USP33: variants seen among roughly 807,000 people sequenced by gnomAD.
USP33 encodes the protein ubiquitin carboxyl-terminal hydrolase 33.
In USP33, 46 loss-of-function variants were observed where a neutral mutation model predicts 124.2. That is an observed-to-expected ratio of 0.37 (90% confidence interval 0.29 to 0.47). The LOEUF is 0.47. USP33 is among the 20% of genes least tolerant of loss of function. USP33 has a pLI of 0.99. For synonymous variants in USP33, 350 were observed against 352.3 expected, an observed-to-expected ratio of 0.99 and a Z score of 0.07; for missense variants, 851 against 1,070.6, an observed-to-expected ratio of 0.79 and a Z score of 2.86.
In USP33 at chr1:77,750,624, A is replaced by AAAGAAAG. The variant is rs1680215884; in HGVS notation, c.-51-8877_-51-8876insCTTTCTT. Among the ~76,000 whole-genome samples, 15 of 123,290 alleles carry AAAGAAAG rather than the reference A, an allele frequency of 1.2e-4. 1 individual carries two copies. The highest frequency in any genetic ancestry group is 4.4e-4 in the African/African-American group (14 of 31,474). 80.9% of individuals were successfully genotyped at this position (123,290 alleles called of 152,430 possible). On this transcript the variant is annotated intron_variant, in intron 1 of 23. Transcript: ENST00000370794. Reference sequence around the variant, plus strand: ...GCAACACAGCAAGACCCTGACTTAAAAAAGAAAGAAAGAAAGAAAGAAAGA... The same window carrying AAAGAAAG: ...GCAACACAGCAAGACCCTGACTTAAAAAGAAAGAAAGAAAGAAAGAAAGAAAGAAAGA...
At chr1:77,698,665 T>G (rs1673678939) in intron 22 of USP33, among the ~76,000 whole-genome samples, 1 of 151,614 alleles carries the variant, frequency 6.6e-6, no homozygotes, top group East Asian at 2.0e-4. Flanking sequence ...CACGCCCAGC[T>G]AATTTTTTGT....
chr1:77,734,535 T>C (rs1382174988), intron 6 of USP33, 119 bp from the exon 7 acceptor site: 6 of 633,894 alleles, frequency 9.5e-6, no homozygotes, highest in Non-Finnish European at 1.6e-5. Context: ...ATATAGCAAC[T>C]TGAACAATTC....
chr1:77,752,469 T>G (rs1188358840), intron 1 of USP33, among the ~76,000 whole-genome samples: 1 of 152,186 alleles, frequency 6.6e-6, no homozygotes, highest in Non-Finnish European at 1.5e-5. Context: ...CAGGACATAG[T>G]TGGTAACCTA....
At chr1:77,752,329 G>C (rs952615129) in intron 1 of USP33, among the ~76,000 whole-genome samples, 1 of 151,630 alleles carries the variant, frequency 6.6e-6, no homozygotes, top group Non-Finnish European at 1.5e-5. Flanking sequence ...AGTAGAGACG[G>C]AGTTTCACCG....
intron 22 of USP33, 137 bp from the exon 23 acceptor site, chr1:77,698,068 C>A (rs1337641879): frequency 2.1e-5 from 9 of 429,146 alleles, no homozygotes; most frequent in Admixed American, 8.8e-5. Flanking sequence ...ATAGTTAATT[C>A]TTTTTTTTTT....
rs76923471 is a variant in USP33 at position 77,734,202 on chromosome 1, G to A, written c.524+145C>T. The A allele has an allele frequency of 1.7e-3, 1,084 of 638,754 alleles. 11 individuals are homozygous for A. In the African/African-American group the frequency reaches 0.018, roughly 11 times the overall value. 39.6% of individuals were successfully genotyped at this position (638,754 alleles called of 1,614,324 possible). The stretch of plus-strand genomic sequence containing the variant: ...CTACGGGTATACATAGAGTAACATC[G>A]TTGGGACAAGAATGGGTTATGTCCC... On this transcript the variant is annotated intron_variant, in intron 7 of 23. Transcript: ENST00000370794.
At chr1:77,741,528 G>A in intron 2 of USP33, 89 bp downstream of exon 2, 2 of 1,531,862 alleles carry the variant, frequency 1.3e-6, no homozygotes, top group Non-Finnish European at 8.8e-7. Context: ...TTAAAATACT[G>A]CTCATAGAGT....
At chr1:77,703,347 G>A (rs1046122905) in intron 21 of USP33, among the ~76,000 whole-genome samples, 1 of 152,152 alleles carries the variant, frequency 6.6e-6, no homozygotes, top group South Asian at 2.1e-4. Flanking sequence ...TCCAACCTGG[G>A]CCAGGCGCAG....
At chr1:77,748,072 G>A (rs1417131477) in intron 1 of USP33, among the ~76,000 whole-genome samples, 1 of 152,158 alleles carries the variant, frequency 6.6e-6, no homozygotes. Flanking sequence ...CACTGTGGCT[G>A]TAATGGAAAA....
intron 1 of USP33, chr1:77,759,379 G>A: frequency 2.6e-6 from 1 of 388,014 alleles, no homozygotes; most frequent in Non-Finnish European, 4.5e-6. Context: ...AAGAACCCCT[G>A]AGGACCCTTC....
chr1:77,758,175 CTTTT>C (rs1185358841), intron 1 of USP33, among the ~76,000 whole-genome samples: 3 of 94,282 alleles, frequency 3.2e-5, no homozygotes, highest in Non-Finnish European at 5.9e-5. Flanking sequence ...TTGTACTGTC[CTTTT>C]TTTTTTTTTT....
At chr1:77,731,709 G>A (rs998995764) in intron 7 of USP33, among the ~76,000 whole-genome samples, 1 of 152,146 alleles carries the variant, frequency 6.6e-6, no homozygotes, top group Non-Finnish European at 1.5e-5. Context: ...CTTTTTCAAT[G>A]AAATCAGAGG....
intron 1 of USP33, among the ~76,000 whole-genome samples, chr1:77,754,506 A>C (rs1009400895): frequency 6.6e-6 from 1 of 152,248 alleles, no homozygotes; most frequent in Non-Finnish European, 1.5e-5. Flanking sequence ...TCACAAAAGA[A>C]ATCAGCTGAC....
chr1:77,736,468 T>C (rs1301836629), intron 5 of USP33, among the ~76,000 whole-genome samples: 1 of 152,170 alleles, frequency 6.6e-6, no homozygotes, highest in East Asian at 1.9e-4. Context: ...AAACCATAGC[T>C]AAAAAGATCT....
chr1:77,724,764 AATGAG>A (rs1173967734), intron 11 of USP33, among the ~76,000 whole-genome samples: 5 of 152,330 alleles, frequency 3.3e-5, no homozygotes, highest in Admixed American at 3.3e-4. Flanking sequence ...ACCCATAAAA[AATGAG>A]ATATTAGGCC....
At chr1:77,746,359 A>G (rs1214957112) in intron 1 of USP33, 1 of 152,246 alleles carries the variant, frequency 6.6e-6, no homozygotes. Context: ...GAATAGACCA[A>G]TAACAGGCTC....
rs1673425074 is a variant in USP33, at chr1:77,696,130, A to C, written c.*1187T>G. The C allele has an allele frequency of 6.6e-6, 1 of 152,222 alleles. No individual in the cohort carries two copies. Among genetic ancestry groups the C allele is most frequent in the Non-Finnish European group, 1.5e-5 (1 of 68,030 alleles). 9.4% of individuals were successfully genotyped at this position (152,222 alleles called of 1,614,324 possible). On this transcript the variant is annotated 3_prime_UTR_variant, in exon 24 of 24. Transcript: ENST00000370794. ...TCCAGTATGTTTTTGTACTTGGAAT[A>C]TAGTTAAACTTTTGACATTACATAA... is the stretch of plus-strand genomic sequence containing the variant.
chr1:77,743,796 A>G (rs1679403746), intron 1 of USP33, among the ~76,000 whole-genome samples: 1 of 152,204 alleles, frequency 6.6e-6, no homozygotes, highest in African/African-American at 2.4e-5. Flanking sequence ...ATCGGAAGAA[A>G]TTATCCTTAA....
rs59959045 is a variant in USP33, at chr1:77,715,971, T to C, written c.1919-103A>G. The C allele has an allele frequency of 9.0e-4, 1,080 of 1,193,812 alleles. 7 individuals are homozygous for C. The African/African-American group carries it at 0.012, about 13-fold the overall frequency. 74.0% of individuals were successfully genotyped at this position (1,193,812 alleles called of 1,614,324 possible). A position where few individuals can be genotyped will look rare whatever the true frequency, so the allele number is the denominator to read the frequency against. ...AGTGCCTAGCACAGTAGCTGGAATA[T>C]AGGAAGAATTATGCTTGTATTTTTT... On this transcript the variant is annotated intron_variant, in intron 17 of 23. Coordinates refer to ENST00000370794, the MANE Select transcript of USP33 (RefSeq NM_201624.3).
Sources: allele counts gnomAD v4.1 joint callset (sites outside exome capture counted in the v4.1 genomes callset), GRCh38; gene constraint gnomAD v4.1.1; transcripts MANE v1.5; gene names NCBI Gene and HGNC (gene_info 2026-07-23, HGNC 2026-07-21).